The following CEP112 variants were observed in gnomAD, a reference collection of about 807,000 sequenced individuals.
CEP112 encodes the protein centrosomal protein 112.
In CEP112, 127 loss-of-function variants were observed where a neutral mutation model predicts 153.0. That is an observed-to-expected ratio of 0.83 (90% CI 0.72 to 0.96). The LOEUF is 0.96. CEP112 is among the 40% of genes least tolerant of loss of function. CEP112 has a pLI of 0.00. For missense variants in CEP112, 1,089 were observed against 1,101.2 expected (o/e 0.99, Z 0.16); for synonymous variants, 358 against 374.4 (o/e 0.96, Z 0.51).
chr17:66,121,269 T>G (rs566799366), intron 6 of CEP112, among the ~76,000 whole-genome samples: 2 of 138,390 alleles, frequency 1.4e-5, no homozygotes, highest in Non-Finnish European at 3.2e-5. Flanking sequence ...TGAGCGACAC[T>G]TCGTCTCAAA....
intron 21 of CEP112, among the ~76,000 whole-genome samples, chr17:65,785,651 T>C (rs2054240738): frequency 6.6e-6 from 1 of 152,214 alleles, no homozygotes; most frequent in African/African-American, 2.4e-5. Context: ...TATTTTTTCC[T>C]TTGTCATTTG....
intron 26 of CEP112, among the ~76,000 whole-genome samples, chr17:65,636,330 A>G (rs1469172900): frequency 6.6e-6 from 1 of 152,222 alleles, no homozygotes; most frequent in African/African-American, 2.4e-5. Flanking sequence ...TGCATCCCCA[A>G]AAAGAGCACT....
At chr17:66,184,750 T>G (rs1411022839) in intron 1 of CEP112, among the ~76,000 whole-genome samples, 1 of 152,158 alleles carries the variant, frequency 6.6e-6, no homozygotes, top group Admixed American at 6.5e-5. Context: ...CCCAAGTATT[T>G]AGCTAAGTGA....
At chr17:65,880,584 T>C (rs2059024490) in intron 20 of CEP112, among the ~76,000 whole-genome samples, 1 of 152,222 alleles carries the variant, frequency 6.6e-6, no homozygotes, top group African/African-American at 2.4e-5. Flanking sequence ...GTTAGGCTCA[T>C]GGTCTCTTCT....
intron 6 of CEP112, among the ~76,000 whole-genome samples, chr17:66,113,216 C>T (rs1265985501): frequency 1.8e-5 from 2 of 111,116 alleles, no homozygotes; most frequent in Admixed American, 7.7e-5. Flanking sequence ...TATAAATATG[C>T]ATCGTCATAT....
At chr17:65,925,695 C>T (rs1000388125) in intron 19 of CEP112, among the ~76,000 whole-genome samples, 7 of 152,162 alleles carry the variant, frequency 4.6e-5, no homozygotes, top group East Asian at 1.9e-4. Flanking sequence ...TCCTTCCAGG[C>T]GGAGGATTAC....
At chr17:65,837,593 C>CA (rs2057366594) in intron 21 of CEP112, among the ~76,000 whole-genome samples, 1 of 152,120 alleles carries the variant, frequency 6.6e-6, no homozygotes, top group Non-Finnish European at 1.5e-5. Flanking sequence ...GAGGTGTACC[C>CA]AACAGCTCAT....
intron 8 of CEP112, among the ~76,000 whole-genome samples, chr17:66,088,651 C>A (rs374282119): frequency 1.3e-5 from 2 of 152,198 alleles, no homozygotes; most frequent in African/African-American, 4.8e-5. Flanking sequence ...AGGTCGGCCA[C>A]TGGGGCCCCA....
At chr17:65,953,093 CA>C (rs1348262732) in intron 18 of CEP112, among the ~76,000 whole-genome samples, 1 of 151,798 alleles carries the variant, frequency 6.6e-6, no homozygotes, top group Non-Finnish European at 1.5e-5. Flanking sequence ...TGATGTCTTT[CA>C]AAGAGCAAAA....
intron 8 of CEP112, among the ~76,000 whole-genome samples, chr17:66,076,147 G>A (rs943785589): frequency 2.6e-5 from 4 of 152,220 alleles, no homozygotes; most frequent in Admixed American, 6.5e-5. Flanking sequence ...ATACCACAGA[G>A]AGAAGGAAGT....
intron 21 of CEP112, among the ~76,000 whole-genome samples, chr17:65,763,394 A>C (rs1176123056): frequency 6.6e-6 from 1 of 151,872 alleles, no homozygotes; most frequent in Non-Finnish European, 1.5e-5. Flanking sequence ...ATTTCATTAA[A>C]TATTTCTTCT....
chr17:66,051,526 T>A (rs1456386822), intron 12 of CEP112, among the ~76,000 whole-genome samples: 4 of 152,054 alleles, frequency 2.6e-5, no homozygotes, highest in Non-Finnish European at 5.9e-5. Context: ...ACTCAAGCTA[T>A]TAAGGAGTTG....
chr17:65,878,783 C>A (rs1044516756), intron 20 of CEP112, among the ~76,000 whole-genome samples: 2 of 151,880 alleles, frequency 1.3e-5, no homozygotes, highest in African/African-American at 4.8e-5. Flanking sequence ...TGGACCCACC[C>A]CAACCTACAG....
At chr17:65,649,701 G>C (rs1431224324) in intron 24 of CEP112, among the ~76,000 whole-genome samples, 2 of 112,408 alleles carry the variant, frequency 1.8e-5, no homozygotes, top group Non-Finnish European at 3.4e-5. Context: ...CTAGGCAACT[G>C]AATAAGACCC....
chr17:65,992,805 C>T (rs369247388), intron 17 of CEP112, among the ~76,000 whole-genome samples: 1 of 152,092 alleles, frequency 6.6e-6, no homozygotes, highest in Admixed American at 6.5e-5. Context: ...TATACTATCC[C>T]GTTATACTTT....
chr17:65,881,435 T>C (rs2059070213), intron 20 of CEP112, among the ~76,000 whole-genome samples: 1 of 151,980 alleles, frequency 6.6e-6, no homozygotes, highest in East Asian at 1.9e-4. Context: ...CACATACACA[T>C]ACATTCATGT....
At chr17:66,020,164 G>A (rs1194073007) in intron 16 of CEP112, among the ~76,000 whole-genome samples, 1 of 152,102 alleles carries the variant, frequency 6.6e-6, no homozygotes, top group Non-Finnish European at 1.5e-5. Flanking sequence ...CTTAATGGAT[G>A]GACAGCCAGT....
intron 8 of CEP112, among the ~76,000 whole-genome samples, chr17:66,076,862 T>C (rs1016636514): frequency 2.6e-5 from 4 of 152,108 alleles, no homozygotes; most frequent in Non-Finnish European, 5.9e-5. Flanking sequence ...GAGCAATTCA[T>C]AGTTCACATC....
At position 65,714,504 on chromosome 17, in the gene CEP112, CCTTA is replaced by C. The variant is rs1474916941; in HGVS notation, c.2608-25290_2608-25287del. On this transcript the variant is annotated intron_variant, in intron 23 of 26. Coordinates refer to ENST00000535342, the MANE Select transcript of CEP112 (RefSeq NM_001199165.4). Reference sequence around the variant, plus strand: ...TATATCTGTCGGTTTACTCTTGTCACCTTACTGTCAGTTCAGAATGTGAGCCCAG... The same window carrying C: ...TATATCTGTCGGTTTACTCTTGTCACCTGTCAGTTCAGAATGTGAGCCCAG... 5.3e-5 allele frequency among the ~76,000 whole-genome samples: 8 copies of C among 152,118 alleles called. No individual in the cohort carries two copies. The East Asian group carries it at 1.5e-3, about 29-fold the overall frequency.
Sources: allele counts gnomAD v4.1 joint callset (sites outside exome capture counted in the v4.1 genomes callset), GRCh38; gene constraint gnomAD v4.1.1; transcripts MANE v1.5; gene names NCBI Gene and HGNC (gene_info 2026-07-23, HGNC 2026-07-21).